FAM78B: variants seen among roughly 807,000 people sequenced by gnomAD.
The protein encoded by FAM78B is family with sequence similarity 78 member B, also known as protein FAM78B.
FAM78B carries 10 observed loss-of-function variants against 20.0 expected under a neutral mutation model. The ratio of observed to expected loss-of-function variants is 0.50; its 90% CI spans 0.31 to 0.85. The LOEUF is 0.85. Among genes scored for constraint, FAM78B ranks in the 40% least tolerant of loss-of-function variants. The pLI, the probability that FAM78B is intolerant of heterozygous loss-of-function variation, is 0.05. For missense variants in FAM78B, 283 were observed against 345.0 expected, an observed-to-expected ratio of 0.82 and a Z score of 1.42; for synonymous variants, 135 against 132.8, an observed-to-expected ratio of 1.02 and a Z score of -0.12.
intron 1 of FAM78B, among the ~76,000 whole-genome samples, chr1:166,116,704 C>T (rs1445399090): frequency 6.6e-6 from 1 of 152,102 alleles, no homozygotes. Context: ...GTATTTTTTC[C>T]AATTGGAGTT....
downstream of FAM78B, among the ~76,000 whole-genome samples, chr1:166,064,861 G>A (rs1341402212): frequency 6.6e-6 from 1 of 152,184 alleles, no homozygotes; most frequent in Non-Finnish European, 1.5e-5. Flanking sequence ...AATATCTCAG[G>A]TAACAGAGAA....
chr1:166,165,481 A>G (rs958031426), intron 1 of FAM78B, among the ~76,000 whole-genome samples: 1 of 152,134 alleles, frequency 6.6e-6, no homozygotes, highest in African/African-American at 2.4e-5. Flanking sequence ...AACAGTCGCG[A>G]GGGCAAGGAC....
Position 166,070,572 on chromosome 1 carries a change from A to G in FAM78B, c.455T>C (p.Val152Ala), listed in dbSNP as rs1448276353. ...GAGCAGTGGCACATTGCTGTCACTC[A>G]CAGGCACTGCCCATGTCACACTGGG... Reference protein sequence around the residue: ...FYPSVTWAVPVSDSNVPLLTR... With the variant: ...FYPSVTWAVPASDSNVPLLTR... The change falls in exon 2 of 2, where the codon GTG (valine) becomes GCG (alanine). Residue 152 changes from valine (V) to alanine (A), a missense_variant. By Grantham distance (64) the Val-to-Ala change is moderately conservative. Transcript: ENST00000354422. 6.2e-7 allele frequency: 1 copy of G among 1,613,878 alleles called. No individual in the cohort carries two copies. The highest frequency in any genetic ancestry group is 2.2e-5 in the East Asian group (1 of 44,890).
At chr1:166,114,197 C>T (rs1392127195) in intron 1 of FAM78B, among the ~76,000 whole-genome samples, 2 of 152,174 alleles carry the variant, frequency 1.3e-5, no homozygotes, top group African/African-American at 4.8e-5. Context: ...TTTTGAGGTG[C>T]TAACACATGC....
At chr1:166,150,717 G>C (rs76316646) in intron 1 of FAM78B, among the ~76,000 whole-genome samples, 1,996 of 152,202 alleles carry the variant, frequency 0.013, 54 homozygotes, top group African/African-American at 0.045. Flanking sequence ...AAATTACCAA[G>C]AATATAGAAC....
intron 1 of FAM78B, among the ~76,000 whole-genome samples, chr1:166,107,682 A>G (rs34650980): frequency 0.22 from 34,132 of 152,156 alleles, 5,000 homozygotes; most frequent in Non-Finnish European, 0.33. Context: ...AGAAAAGGAT[A>G]TAACCAAAAA....
intron 2 of FAM78B, among the ~76,000 whole-genome samples, chr1:166,062,117 A>G (rs1229231306): frequency 1.3e-5 from 2 of 152,218 alleles, no homozygotes; most frequent in African/African-American, 4.8e-5. Context: ...AGAGCTCTCC[A>G]TCAAATGTGC....
chr1:166,134,818 TA>T (rs1655012727), intron 1 of FAM78B, among the ~76,000 whole-genome samples: 1 of 152,222 alleles, frequency 6.6e-6, no homozygotes, highest in Admixed American at 6.5e-5. Flanking sequence ...TGATGCTCTC[TA>T]AAGGTTCGTG....
intron 1 of FAM78B, among the ~76,000 whole-genome samples, chr1:166,133,601 T>TA (rs5778486): frequency 0.056 from 8,336 of 148,218 alleles, 458 homozygotes; most frequent in Admixed American, 0.15. Context: ...TGAGCAATCT[T>TA]AAAAAAAAAA....
chr1:166,071,520 CAGG>C (rs370094739), intron 1 of FAM78B, among the ~76,000 whole-genome samples: 15 of 152,114 alleles, frequency 9.9e-5, no homozygotes, highest in African/African-American at 3.1e-4. Context: ...TGACCTTGTA[CAGG>C]AGGAGGAGGA....
chr1:166,059,016 A>G (rs576239778), exon 3 of FAM78B: 1 of 152,770 alleles, frequency 6.5e-6, no homozygotes, highest in South Asian at 2.1e-4. Flanking sequence ...GGCTTGGGTT[A>G]TAAGACTTAC....
intron 1 of FAM78B, among the ~76,000 whole-genome samples, chr1:166,107,366 T>G (rs1319802272): frequency 2.0e-5 from 3 of 152,120 alleles, no homozygotes; most frequent in African/African-American, 7.2e-5. Context: ...AGGGCTCTTA[T>G]GAATACCTTT....
At chr1:166,088,345 T>G (rs1263875697) in intron 1 of FAM78B, among the ~76,000 whole-genome samples, 1 of 152,104 alleles carries the variant, frequency 6.6e-6, no homozygotes, top group Non-Finnish European at 1.5e-5. Context: ...GCATGGCCCT[T>G]TACTCCACTG....
chr1:166,115,462 T>C (rs1654218569), intron 1 of FAM78B, among the ~76,000 whole-genome samples: 2 of 151,994 alleles, frequency 1.3e-5, no homozygotes, highest in African/African-American at 4.8e-5. Flanking sequence ...GGAAGGTAGG[T>C]AGGGGTGAGG....
At chr1:166,086,580 A>G (rs1424336661) in intron 1 of FAM78B, among the ~76,000 whole-genome samples, 3 of 152,170 alleles carry the variant, frequency 2.0e-5, no homozygotes, top group Non-Finnish European at 4.4e-5. Flanking sequence ...ACAGACTTTA[A>G]AATCAGAGTT....
chr1:166,091,173 T>C (rs140913681), intron 1 of FAM78B, among the ~76,000 whole-genome samples: 7 of 152,110 alleles, frequency 4.6e-5, no homozygotes, highest in African/African-American at 7.2e-5. Context: ...TTAAACACAA[T>C]GTTGGGCCAA....
At chr1:166,145,754 C>T (rs1655429817) in intron 1 of FAM78B, among the ~76,000 whole-genome samples, 1 of 152,174 alleles carries the variant, frequency 6.6e-6, no homozygotes, top group Admixed American at 6.5e-5. Flanking sequence ...GTGACTAACA[C>T]TTTTTCTTGG....
At chr1:166,094,313 C>T (rs1277013247) in intron 1 of FAM78B, among the ~76,000 whole-genome samples, 3 of 152,124 alleles carry the variant, frequency 2.0e-5, no homozygotes, top group African/African-American at 7.2e-5. Flanking sequence ...GAGACAGAAG[C>T]AGAAGGCTAC....
intron 1 of FAM78B, among the ~76,000 whole-genome samples, chr1:166,149,245 TAAAC>T (rs66539851): frequency 0.33 from 49,746 of 151,566 alleles, 8,624 homozygotes; most frequent in East Asian, 0.48. Context: ...AAAGTATAAT[TAAAC>T]AAACAAACAA....
Sources: gnomAD v4.1 joint callset for allele counts (sites outside exome capture counted in the v4.1 genomes callset) on GRCh38, gnomAD v4.1.1 for gene constraint, MANE v1.5 for transcripts, NCBI Gene and HGNC (gene_info 2026-07-23, HGNC 2026-07-21) for gene names.